The following PISD variants were observed in gnomAD, a reference collection of about 807,000 sequenced individuals.
The protein encoded by PISD is phosphatidylserine decarboxylase.
PISD carries 31 observed loss-of-function variants against 43.5 expected under a neutral mutation model. The observed-to-expected ratio is 0.71, with a 90% confidence interval of 0.54 to 0.96. The LOEUF (loss-of-function observed/expected upper bound fraction) is 0.96. Among genes scored for constraint, PISD ranks in the 40% least tolerant of loss-of-function variants. PISD has a pLI of 0.00. For synonymous variants in PISD, 259 were observed against 228.7 expected (o/e 1.13, Z -1.20); for missense variants, 523 against 548.4 (o/e 0.95, Z 0.46).
At chr22:31,644,945 A>G (rs1049692120) in intron 3 of PISD, among the ~76,000 whole-genome samples, 3 of 152,052 alleles carry the variant, frequency 2.0e-5, no homozygotes, top group African/African-American at 7.2e-5. Flanking sequence ...CAAGAGGGTG[A>G]ACCCCTGTCT....
At chr22:31,650,841 C>T (rs1423379922) in intron 1 of PISD, 63 bp from the exon 2 acceptor site, 15 of 1,073,482 alleles carry the variant, frequency 1.4e-5, no homozygotes, top group East Asian at 7.8e-5. Context: ...CTGGATTAAT[C>T]GGCAAAATTT....
Position 31,645,818 on chromosome 22 carries a change from T to C in PISD, c.321+2283A>G, listed in dbSNP as rs188835733. ...GTTGCAGTGAGCCAAGATTGCGCCA[T>C]TGCCTTCCAGCCTGGGCAACAGAGT... is the stretch of plus-strand genomic sequence containing the variant. On this transcript the variant is annotated intron_variant, in intron 3 of 7. Transcript: ENST00000439502. 4.6e-3 allele frequency among the ~76,000 whole-genome samples: 681 copies of C among 146,682 alleles called. 3 individuals are homozygous for C. Among genetic ancestry groups the C allele is most frequent in the Middle Eastern group, 0.014 (4 of 278 alleles).
chr22:31,628,112 C>G, intron 3 of PISD: 1 of 985,590 alleles, frequency 1.0e-6, no homozygotes, highest in African/African-American at 1.7e-5. Context: ...GTCAGTGCCT[C>G]CATATCACCA....
At chr22:31,620,513 T>C (rs760098773) in intron 7 of PISD, 40 bp downstream of exon 7, 2 of 1,603,060 alleles carry the variant, frequency 1.2e-6, no homozygotes, top group South Asian at 1.1e-5. Context: ...ACCCAAGAGG[T>C]CTGGCCCTTG....
Position 31,630,889 on chromosome 22 carries a change from G to C in PISD, c.322-9004C>G. 6 of 983,942 alleles carry C rather than the reference G, an allele frequency of 6.1e-6. No individual in the cohort carries two copies. In the South Asian group the frequency reaches 1.4e-4, roughly 23 times the overall value. The allele number at this position is 983,942 out of a possible 1,614,324, so 61.0% of individuals were successfully genotyped here. A position where few individuals can be genotyped will look rare whatever the true frequency, so the allele number is the denominator to read the frequency against. ...CCTTGGGGCGAGTGGGCGGGGCTCG[G>C]GCTCCAGCCACTCAGACTACCAGGG... On this transcript the variant is annotated intron_variant, in intron 3 of 7. Transcript: ENST00000439502. This position sits in a 1 kb window ranked among gnomAD's most constrained non-coding sequence, Gnocchi z 4.4.
In PISD at chr22:31,619,539, G is replaced by C; in HGVS notation, c.*73C>G. 1 of 1,287,496 alleles carries C rather than the reference G, an allele frequency of 7.8e-7. No individual in the cohort carries two copies. The highest frequency in any genetic ancestry group is 1.1e-6 in the Non-Finnish European group (1 of 894,740). The allele number at this position is 1,287,496 out of a possible 1,614,324, so 79.8% of individuals were successfully genotyped here. A position where few individuals can be genotyped will look rare whatever the true frequency, so the allele number is the denominator to read the frequency against. On this transcript the variant is annotated 3_prime_UTR_variant, in exon 8 of 8. Transcript: ENST00000439502. ...CAGGCCCTTACCTGGATGGCCTCAT[G>C]GGCCTCCCTCTTGAAAAGACCCTCA...
intron 3 of PISD, among the ~76,000 whole-genome samples, chr22:31,631,170 C>T (rs2073191067): frequency 1.3e-5 from 2 of 152,192 alleles, no homozygotes; most frequent in South Asian, 4.1e-4. Context: ...GTCTGTGAGC[C>T]GCCTGTCTGC....
upstream of PISD, chr22:31,662,281 G>C: frequency 6.9e-7 from 1 of 1,447,256 alleles, no homozygotes; most frequent in Non-Finnish European, 9.6e-7. Context: ...CACGAGTCTC[G>C]AGTTCAGTGG....
At position 31,619,661 on chromosome 22, in the gene PISD, A is replaced by G. The variant is rs1365202754; in HGVS notation, c.1181T>C (p.Leu394Pro). ...AAAGCGGATTTTCTGTCCTGTTTTC[A>G]GCTGGAAATTGAAGTCCTTGGGGGC... ...FEAPKDFNFQLKTGQKIRFGE... is the reference protein window; with the variant it reads ...FEAPKDFNFQPKTGQKIRFGE... The change falls in exon 8 of 8, where the codon CTG (leucine) becomes CCG (proline). Residue 394 changes from leucine (L) to proline (P), a missense_variant. Leu to Pro is a moderately conservative substitution (Grantham distance 98, BLOSUM62 -3). Coordinates refer to ENST00000439502, the MANE Select transcript of PISD (RefSeq NM_001326411.2). The G allele has an allele frequency of 1.2e-6, 2 of 1,614,120 alleles. No individual in the cohort carries two copies. The highest frequency in any genetic ancestry group is 2.7e-5 in the African/African-American group (2 of 74,946).
intron 3 of PISD, chr22:31,623,608 C>G (rs1252547654): frequency 1.4e-6 from 2 of 1,401,088 alleles, no homozygotes; most frequent in Non-Finnish European, 1.9e-6. Context: ...TCGCCACCAC[C>G]TCAGTCTCTC....
At chr22:31,622,037 G>A (rs1272974123) in intron 3 of PISD, 152 bp from the exon 4 acceptor site, 1 of 635,418 alleles carries the variant, frequency 1.6e-6, no homozygotes, top group African/African-American at 1.8e-5. Context: ...CTTTTGTGAT[G>A]TGGCTGTTTC....
chr22:31,652,447 T>A (rs535606031), intron 1 of PISD, among the ~76,000 whole-genome samples: 2 of 152,164 alleles, frequency 1.3e-5, no homozygotes, highest in East Asian at 3.9e-4. Context: ...ATGTCTTGTA[T>A]AGATATCCTA....
intron 3 of PISD, among the ~76,000 whole-genome samples, chr22:31,634,941 C>T (rs577387380): frequency 2.6e-5 from 4 of 151,180 alleles, no homozygotes; most frequent in Admixed American, 2.0e-4. Context: ...CTGAGGTGGG[C>T]GGATCACCTG....
intron 1 of PISD, among the ~76,000 whole-genome samples, chr22:31,651,113 G>A (rs1413857766): frequency 1.3e-5 from 2 of 151,942 alleles, no homozygotes; most frequent in South Asian, 2.1e-4. Context: ...ACAGGCACCC[G>A]CCACCACACC....
Position 31,624,654 on chromosome 22 carries a change from G to GAC in PISD, c.322-2771_322-2770dup, listed in dbSNP as rs769817542. Among the ~76,000 whole-genome samples the GAC allele has an allele frequency of 3.6e-3, 476 of 132,714 alleles. 5 individuals carry two copies. Among genetic ancestry groups the GAC allele is most frequent in the South Asian group, 7.1e-3 (25 of 3,500 alleles). The allele number at this position is 132,714 out of a possible 152,430, so 87.1% of individuals were successfully genotyped here. A position where few individuals can be genotyped will look rare whatever the true frequency, so the allele number is the denominator to read the frequency against. On this transcript the variant is annotated intron_variant, in intron 3 of 7. Coordinates refer to ENST00000439502, the MANE Select transcript of PISD (RefSeq NM_001326411.2). ...CTGCTCTGCTGGGGCTGCACAGACA[G>GAC]ACACACACACACACACACACACACA...
chr22:31,653,054 A>G (rs866773279), intron 1 of PISD, among the ~76,000 whole-genome samples: 22 of 151,568 alleles, frequency 1.5e-4, no homozygotes, highest in South Asian at 8.3e-4. Context: ...AAAAAAAAAA[A>G]AAAAACCACA....
In PISD at chr22:31,623,839, G is replaced by A. The variant is rs764569997; in HGVS notation, c.322-1954C>T. On this transcript the variant is annotated intron_variant, in intron 3 of 7. Coordinates refer to ENST00000439502, the MANE Select transcript of PISD (RefSeq NM_001326411.2). ...AGCCTCCGCCTCAGGGCCAGCTGGG[G>A]GAAGTGCAACCTGCAGGGCACAGGT... 15 of 1,613,350 alleles carry A rather than the reference G, an allele frequency of 9.3e-6. No individual in the cohort carries two copies. In the South Asian group the frequency reaches 1.1e-4, roughly 12 times the overall value.
intron 1 of PISD, among the ~76,000 whole-genome samples, chr22:31,654,731 C>T (rs2074119604): frequency 6.6e-6 from 1 of 152,102 alleles, no homozygotes; most frequent in Non-Finnish European, 1.5e-5. Context: ...CAAGCTTACC[C>T]CCACCAGCCA....
chr22:31,650,486 A>G (rs1363933303), intron 2 of PISD, among the ~76,000 whole-genome samples: 1 of 151,170 alleles, frequency 6.6e-6, no homozygotes, highest in Non-Finnish European at 1.5e-5. Context: ...CCGAGATTGC[A>G]TCATTGCATT....
Sources: gnomAD v4.1 joint callset for allele counts (sites outside exome capture counted in the v4.1 genomes callset) on GRCh38, gnomAD v4.1.1 for gene constraint, Gnocchi (gnomAD v3.1) non-coding constraint, MANE v1.5 for transcripts, NCBI Gene and HGNC (gene_info 2026-07-23, HGNC 2026-07-21) for gene names.